SMC5: variants seen among roughly 807,000 people sequenced by gnomAD.
The protein encoded by SMC5 is structural maintenance of chromosomes protein 5.
A neutral mutation model predicts 148.3 loss-of-function variants in SMC5; 88 were observed. The observed-to-expected ratio is 0.59, with a 90% CI of 0.50 to 0.71. The LOEUF (loss-of-function observed/expected upper bound fraction) is 0.71. SMC5 is among the 30% of genes least tolerant of loss of function. The pLI is 0.00. For synonymous variants in SMC5, 421 were observed against 432.8 expected, an observed-to-expected ratio of 0.97 and a Z score of 0.34; for missense variants, 1,142 against 1,298.9, an observed-to-expected ratio of 0.88 and a Z score of 1.86.
rs1160941624 is a variant in SMC5 at position 70,347,811 on chromosome 9, AGT to A, written c.2769+99_2769+100del. ...AATGAGATGACATGCTTCTAAGAGA[AGT>A]GTGTTATGCCCAGACTGATACTGAT... On this transcript the variant is annotated intron_variant, in intron 21 of 24. Transcript: ENST00000361138. The A allele has an allele frequency of 5.6e-6, 7 of 1,249,628 alleles. No individual in the cohort carries two copies. In the East Asian group the frequency reaches 1.2e-4, roughly 21 times the overall value. The allele number at this position is 1,249,628 out of a possible 1,614,324, so 77.4% of individuals were successfully genotyped here. A position where few individuals can be genotyped will look rare whatever the true frequency, so the allele number is the denominator to read the frequency against.
At position 70,352,233 on chromosome 9, in the gene SMC5, T is replaced by C; in HGVS notation, c.3208T>C (p.Phe1070Leu). The stretch of plus-strand genomic sequence containing the variant: ...TTATTCTGAAAAGATGACAGTTTTG[T>C]TTGTCTACAATGGCCCTCATATGCT... ...LPYSEKMTVL[F>L]VYNGPHMLEP... Residue 1070 changes from phenylalanine (F) to leucine (L), a missense_variant, in exon 25 of 25, where the codon TTT becomes CTT. Physicochemically the swap from Phe to Leu is conservative, Grantham distance 22. Around this residue, in one of 5 missense-constraint regions of SMC5, gnomAD observed 63 missense variants for 65.7 expected, o/e 0.96. Coordinates refer to ENST00000361138, the MANE Select transcript of SMC5 (RefSeq NM_015110.4). The C allele has an allele frequency of 6.2e-7, 1 of 1,611,996 alleles. No individual in the cohort carries two copies. The highest frequency in any genetic ancestry group is 8.5e-7 in the Non-Finnish European group (1 of 1,179,476).
intron 17 of SMC5, among the ~76,000 whole-genome samples, chr9:70,334,005 T>C (rs2036292183): frequency 1.3e-5 from 2 of 152,148 alleles, no homozygotes; most frequent in African/African-American, 4.8e-5. Context: ...CTCCCACTAA[T>C]TTTAAAATTT....
At position 70,300,177 on chromosome 9, in the gene SMC5, G is replaced by C; in HGVS notation, c.1441G>C (p.Val481Leu). Residue 481 changes from valine (V) to leucine (L), a missense_variant, in exon 10 of 25, where the codon GTC becomes CTC. By Grantham distance (32) the Val-to-Leu change is conservative. Around this residue, in one of 5 missense-constraint regions of SMC5, gnomAD observed 743 missense variants for 835.7 expected, o/e 0.89. Coordinates refer to ENST00000361138, the MANE Select transcript of SMC5 (RefSeq NM_015110.4). The part of the protein sequence containing the change: ...RNNRDKFKQR[V>L]CEPIMLTINM... ...TAACAGAGACAAATTTAAACAAAGA[G>C]TCTGTGAGCCCATAATGCTCACGGT... 2.5e-6 allele frequency: 4 copies of C among 1,596,348 alleles called. No homozygotes were observed. Among genetic ancestry groups the C allele is most frequent in the Non-Finnish European group, 3.4e-6 (4 of 1,175,340 alleles).
rs145189328 is a variant in SMC5, at chr9:70,264,314, A to G, written c.196A>G (p.Ile66Val). Residue 66 changes from isoleucine to valine, a missense_variant, in exon 2 of 25, where the codon ATT becomes GTT. By Grantham distance (29) the Ile-to-Val change is conservative (BLOSUM62 3). Transcript: ENST00000361138. The part of the protein sequence containing the change: ...ISMENFLTYD[I>V]CEVSPGPHLN... ...CTCTTTATAATTCAGAACATATGAT[A>G]TTTGTGAAGTATCTCCTGGACCCCA... 5.4e-5 allele frequency: 87 copies of G among 1,613,182 alleles called. 1 individual carries two copies. In the African/African-American group the frequency reaches 1.1e-3, roughly 21 times the overall value.
intron 3 of SMC5, among the ~76,000 whole-genome samples, chr9:70,276,972 A>G (rs1272703386): frequency 6.6e-6 from 1 of 152,172 alleles, no homozygotes; most frequent in African/African-American, 2.4e-5. Context: ...ATTGCAGTCA[A>G]TGCATGTGAT....
rs772513383 is a variant in SMC5 at position 70,344,277 on chromosome 9, T to TA, written c.2523+13dup. The TA allele has an allele frequency of 5.5e-6, 8 of 1,452,746 alleles. No individual in the cohort carries two copies. Among genetic ancestry groups the TA allele is most frequent in the African/African-American group, 1.4e-5 (1 of 69,260 alleles). The allele number at this position is 1,452,746 out of a possible 1,614,324, so 90.0% of individuals were successfully genotyped here. On this transcript the variant is annotated intron_variant, in intron 18 of 24. Coordinates refer to ENST00000361138, the MANE Select transcript of SMC5 (RefSeq NM_015110.4). ...CCTCAAGAATACCAGACAGTAAGTA[T>TA]AAAAAGTATATAATGCTACAATTGC...
chr9:70,268,096 A>G, intron 3 of SMC5, 121 bp downstream of exon 3: 1 of 706,066 alleles, frequency 1.4e-6, no homozygotes, highest in Non-Finnish European at 2.2e-6. Flanking sequence ...TGGAAATAAT[A>G]TTTAAAGAAT....
chr9:70,352,370 A>C lies in SMC5; in HGVS notation c.*39A>C. 6.4e-7 allele frequency: 1 copy of C among 1,559,880 alleles called. No individual in the cohort carries two copies. Among genetic ancestry groups the C allele is most frequent in the Non-Finnish European group, 8.7e-7 (1 of 1,155,256 alleles). On this transcript the variant is annotated 3_prime_UTR_variant, in exon 25 of 25. Transcript: ENST00000361138. ...AGGGAACTTGGGAATTTTTTTTGTT[A>C]AATTCTGTTTATAAGTATGGCTCAA... is the stretch of plus-strand genomic sequence containing the variant.
intron 22 of SMC5, among the ~76,000 whole-genome samples, chr9:70,349,312 C>G (rs1305786182): frequency 5.3e-5 from 8 of 152,124 alleles, no homozygotes. Context: ...AGTGATCCAC[C>G]CCCCTCGGCC....
At chr9:70,340,410 A>G (rs2036487906) in intron 17 of SMC5, among the ~76,000 whole-genome samples, 1 of 152,024 alleles carries the variant, frequency 6.6e-6, no homozygotes, top group South Asian at 2.1e-4. Flanking sequence ...TGTGTATTAA[A>G]AGTTAAGATT....
chr9:70,309,635 T>C (rs1051206889), intron 11 of SMC5, among the ~76,000 whole-genome samples: 14 of 152,168 alleles, frequency 9.2e-5, no homozygotes, highest in African/African-American at 3.1e-4. Flanking sequence ...ATTCAAGTTT[T>C]ATCATGAGAT....
chr9:70,318,857 C>T lies in SMC5; in HGVS notation c.2044C>T (p.His682Tyr), dbSNP rs747775103. Reference protein sequence around the residue: ...GLIALRETSKHLEHKDNELRQ... With the variant: ...GLIALRETSKYLEHKDNELRQ... ...GATTGCCTTACGTGAAACAAGCAAA[C>T]ATCTGGAGCACAAAGACAATGAACT... is the stretch of plus-strand genomic sequence containing the variant. The change falls in exon 15 of 25, where the codon CAT becomes TAT. Residue 682 changes from histidine (H) to tyrosine (Y), a missense_variant. Physicochemically the swap from His to Tyr is moderately conservative, Grantham distance 83. Coordinates refer to ENST00000361138, the MANE Select transcript of SMC5 (RefSeq NM_015110.4). The T allele has an allele frequency of 2.3e-5, 37 of 1,610,750 alleles. No individual in the cohort carries two copies. Among genetic ancestry groups the T allele is most frequent in the Non-Finnish European group, 3.1e-5 (36 of 1,178,604 alleles).
At chr9:70,285,049 A>G (rs962440954) in intron 7 of SMC5, among the ~76,000 whole-genome samples, 5 of 152,184 alleles carry the variant, frequency 3.3e-5, no homozygotes, top group Non-Finnish European at 5.9e-5. Context: ...GGTGAGGACA[A>G]TAATAGTAAT....
chr9:70,299,172 A>C (rs1719935735), intron 9 of SMC5, among the ~76,000 whole-genome samples: 2 of 151,824 alleles, frequency 1.3e-5, no homozygotes, highest in Admixed American at 1.3e-4. Flanking sequence ...TATATTTTCA[A>C]GGCCGAAAAC....
In SMC5 at chr9:70,278,594, A is replaced by G. The variant is rs1176197599; in HGVS notation, c.647A>G (p.Lys216Arg). ...ATGCACAAATATCACTGTGAACTCA[A>G]AAACTTAAGGGAGAAAGAAAAACAG... Reference protein sequence around the residue: ...PEMHKYHCELKNLREKEKQLE... With the variant: ...PEMHKYHCELRNLREKEKQLE... The change falls in exon 5 of 25, where the codon AAA (lysine) becomes AGA (arginine). Residue 216 changes from lysine to arginine, a missense_variant. Around this residue, in one of 5 missense-constraint regions of SMC5, gnomAD observed 297 missense variants for 302.6 expected, o/e 0.98. Coordinates refer to ENST00000361138, the MANE Select transcript of SMC5 (RefSeq NM_015110.4). The G allele has an allele frequency of 1.9e-6, 3 of 1,610,414 alleles. No individual in the cohort carries two copies. The highest frequency in any genetic ancestry group is 2.5e-6 in the Non-Finnish European group (3 of 1,178,902).
chr9:70,296,657 TGAG>T (rs2035210154), intron 8 of SMC5, among the ~76,000 whole-genome samples: 1 of 152,148 alleles, frequency 6.6e-6, no homozygotes, highest in South Asian at 2.1e-4. Context: ...ACTTTTATAA[TGAG>T]GAAGGAGAGG....
intron 8 of SMC5, 51 bp from the exon 9 acceptor site, chr9:70,297,915 T>C (rs750706840): frequency 4.5e-6 from 7 of 1,563,896 alleles, no homozygotes; most frequent in South Asian, 2.4e-5. Context: ...AGAAGTCTTA[T>C]AAACCAAGAG....
chr9:70,325,514 A>G (rs2118665400), intron 17 of SMC5, among the ~76,000 whole-genome samples: 1 of 152,326 alleles, frequency 6.6e-6, no homozygotes, highest in Middle Eastern at 3.4e-3. Flanking sequence ...AGGCAACTTT[A>G]TAGACTTCAG....
intron 22 of SMC5, 130 bp downstream of exon 22, chr9:70,348,168 G>A: frequency 1.1e-6 from 1 of 926,038 alleles, no homozygotes; most frequent in Non-Finnish European, 1.5e-6. Context: ...AATGTTGAAA[G>A]AAAGGAGAAA....
Sources: gnomAD v4.1 joint callset for allele counts (sites outside exome capture counted in the v4.1 genomes callset) on GRCh38, gnomAD v4.1.1 for gene constraint, gnomAD v4.1.1 regional missense constraint, MANE v1.5 for transcripts, NCBI Gene and HGNC (gene_info 2026-07-23, HGNC 2026-07-21) for gene names.